Variants in MBD2 observed in about 807,000 individuals in gnomAD.
MBD2 encodes the protein methyl-CpG binding domain protein 2.
Under a neutral mutation model 39.3 loss-of-function variants are expected in MBD2, and 9 were observed. The observed-to-expected ratio is 0.23, with a 90% confidence interval of 0.14 to 0.40. The LOEUF is 0.40. MBD2 is among the 10% of genes least tolerant of loss of function. The pLI is 1.00. For missense variants in MBD2, 458 were observed against 532.6 expected (o/e 0.86, Z 1.38); for synonymous variants, 233 against 211.1 (o/e 1.10, Z -0.90).
At chr18:54,209,341 A>G (rs4940315) in intron 1 of MBD2, among the ~76,000 whole-genome samples, 1 of 149,580 alleles carries the variant, frequency 6.7e-6, no homozygotes, top group African/African-American at 2.4e-5. Flanking sequence ...TATTATAAAC[A>G]AAAAGGCTAG....
intron 1 of MBD2, among the ~76,000 whole-genome samples, chr18:54,223,537 A>G (rs2086632597): frequency 6.6e-6 from 1 of 152,232 alleles, no homozygotes; most frequent in South Asian, 2.1e-4. Context: ...GTTCCAAAAA[A>G]ACTTCAGGCA....
chr18:54,223,087 C>T (rs555168830), intron 1 of MBD2, among the ~76,000 whole-genome samples: 2 of 152,324 alleles, frequency 1.3e-5, no homozygotes, highest in South Asian at 4.1e-4. Context: ...TTTATATTAT[C>T]TTCTATCAAT....
chr18:54,183,028 C>A (rs984116982), intron 3 of MBD2, among the ~76,000 whole-genome samples: 6 of 152,020 alleles, frequency 3.9e-5, no homozygotes, highest in African/African-American at 1.4e-4. Flanking sequence ...GAGGTAGGAT[C>A]GATAGGACTT....
Position 54,151,855 on chromosome 18 carries a change from G to A in MBD2, c.*3469C>T, listed in dbSNP as rs2086023743. ...CAAAAAAAAAAAAAAAAACACCCTG[G>A]AAGCCACCAAGGGCATTTCTTTCCT... On this transcript the variant is annotated 3_prime_UTR_variant, in exon 7 of 7. Transcript: ENST00000256429. 6.8e-6 allele frequency: 1 copy of A among 148,018 alleles called. No individual in the cohort carries two copies. Among genetic ancestry groups the A allele is most frequent in the Non-Finnish European group, 1.5e-5 (1 of 67,396 alleles). The allele number at this position is 148,018 out of a possible 1,614,324, so 9.2% of individuals were successfully genotyped here.
At chr18:54,221,575 C>T (rs989792280) in intron 1 of MBD2, among the ~76,000 whole-genome samples, 101 of 151,988 alleles carry the variant, frequency 6.6e-4, no homozygotes, top group African/African-American at 2.3e-3. Context: ...AGGAGTTCGA[C>T]ACCAGCCTGG....
At chr18:54,177,503 C>T (rs2086219897) in intron 3 of MBD2, among the ~76,000 whole-genome samples, 1 of 151,012 alleles carries the variant, frequency 6.6e-6, no homozygotes, top group African/African-American at 2.4e-5. Context: ...TTTTTCGAGA[C>T]GGAGTCTCGC....
At position 54,153,097 on chromosome 18, in the gene MBD2, G is replaced by C. The variant is rs1420548531; in HGVS notation, c.*2227C>G. On this transcript the variant is annotated 3_prime_UTR_variant, in exon 7 of 7. Coordinates refer to ENST00000256429, the MANE Select transcript of MBD2 (RefSeq NM_003927.5). ...AGTGGACAGGTGAGCAAAAAAGGAA[G>C]CCACTGAAAGTCCAGAGGACAGGAA... The C allele has an allele frequency of 6.6e-6, 1 of 152,406 alleles. No homozygotes were observed. The highest frequency in any genetic ancestry group is 2.4e-5 in the African/African-American group (1 of 41,448). The allele number at this position is 152,406 out of a possible 1,614,324, so 9.4% of individuals were successfully genotyped here. A position where few individuals can be genotyped will look rare whatever the true frequency, so the allele number is the denominator to read the frequency against.
At chr18:54,202,893 G>T in intron 2 of MBD2, 2 of 1,160,802 alleles carry the variant, frequency 1.7e-6, no homozygotes, top group Non-Finnish European at 2.6e-6. Context: ...CACCAGGGAA[G>T]CATTATGGAG....
chr18:54,170,492 T>C (rs1048189656), intron 3 of MBD2, among the ~76,000 whole-genome samples: 1 of 152,184 alleles, frequency 6.6e-6, no homozygotes, highest in Non-Finnish European at 1.5e-5. Context: ...ATAATGTTGA[T>C]TATTATTTAC....
At chr18:54,160,573 C>A (rs1209554901) in intron 5 of MBD2, among the ~76,000 whole-genome samples, 1 of 149,434 alleles carries the variant, frequency 6.7e-6, no homozygotes, top group Non-Finnish European at 1.5e-5. Context: ...GGGTTAATAA[C>A]TCCAAGTCAT....
chr18:54,206,393 T>C (rs1431303036), intron 1 of MBD2, among the ~76,000 whole-genome samples: 4 of 152,232 alleles, frequency 2.6e-5, no homozygotes, highest in African/African-American at 7.2e-5. Context: ...GTCAGTGTGA[T>C]ATGTCACAAG....
chr18:54,155,142 T>C lies in MBD2; in HGVS notation c.*182A>G, dbSNP rs898287581. On this transcript the variant is annotated 3_prime_UTR_variant, in exon 7 of 7. Transcript: ENST00000256429. ...TAGGACTCAAAATAAACATGATTTT[T>C]TGAATAATAGATATATACATCAAAA... 2.6e-5 allele frequency: 4 copies of C among 152,562 alleles called. No homozygotes were observed. Among genetic ancestry groups the C allele is most frequent in the African/African-American group, 9.7e-5 (4 of 41,440 alleles). The allele number at this position is 152,562 out of a possible 1,614,324, so 9.5% of individuals were successfully genotyped here.
intron 5 of MBD2, among the ~76,000 whole-genome samples, chr18:54,161,694 T>G (rs148788507): frequency 6.6e-6 from 1 of 152,338 alleles, no homozygotes; most frequent in East Asian, 1.9e-4. Context: ...GAGCTGAAAT[T>G]TAATCATTTG....
At chr18:54,201,470 G>T (rs543723875) in intron 2 of MBD2, among the ~76,000 whole-genome samples, 2 of 152,216 alleles carry the variant, frequency 1.3e-5, no homozygotes, top group East Asian at 3.9e-4. Flanking sequence ...ATCTGAAATA[G>T]GTACTGCAAA....
intron 6 of MBD2, among the ~76,000 whole-genome samples, 172 bp from the exon 7 acceptor site, chr18:54,155,483 T>A (rs1270616885): frequency 6.6e-6 from 1 of 152,242 alleles, no homozygotes; most frequent in Non-Finnish European, 1.5e-5. Context: ...GTGCTCAACA[T>A]ATCCCCTCAT....
In MBD2 at chr18:54,224,520, G is replaced by C. The variant is rs1398435700; in HGVS notation, c.40C>G (p.Gln14Glu). The change falls in exon 1 of 7, where the codon CAG (glutamine) becomes GAG (glutamate). Residue 14 changes from glutamine (Q) to glutamate (E), a missense_variant. Gln to Glu is a conservative substitution (Grantham distance 29, BLOSUM62 2). Coordinates refer to ENST00000256429, the MANE Select transcript of MBD2 (RefSeq NM_003927.5). ...CCCGCCGCACTCTCCCCCTCCTCCT[G>C]CTCCGGGCAGCAGCGGCCTCCCCCC... is the stretch of plus-strand genomic sequence containing the variant. Reference protein sequence around the residue: ...HPGGGRCCPEQEEGESAAGGS... With the variant: ...HPGGGRCCPEEEEGESAAGGS... 2.4e-6 allele frequency: 3 copies of C among 1,232,738 alleles called. No individual in the cohort carries two copies. The East Asian group carries it at 9.5e-5, about 39-fold the overall frequency. 76.4% of individuals were successfully genotyped at this position (1,232,738 alleles called of 1,614,324 possible).
At chr18:54,188,297 G>A (rs2144310000) in intron 3 of MBD2, among the ~76,000 whole-genome samples, 1 of 152,234 alleles carries the variant, frequency 6.6e-6, no homozygotes, top group Middle Eastern at 3.4e-3. Flanking sequence ...GGCCTTTCAG[G>A]TAATGCTTTT....
intron 2 of MBD2, among the ~76,000 whole-genome samples, chr18:54,195,574 C>A (rs1311975897): frequency 1.3e-5 from 2 of 151,972 alleles, no homozygotes; most frequent in African/African-American, 4.8e-5. Context: ...GGATAAAATT[C>A]TTATAAAAAT....
chr18:54,211,386 T>TACACAC (rs1402095105), intron 1 of MBD2, among the ~76,000 whole-genome samples: 47 of 64,852 alleles, frequency 7.2e-4, no homozygotes, highest in African/African-American at 2.8e-3. Context: ...ATATTATTGC[T>TACACAC]ATACACACAC....
Sources: allele counts gnomAD v4.1 joint callset (sites outside exome capture counted in the v4.1 genomes callset), GRCh38; gene constraint gnomAD v4.1.1; transcripts MANE v1.5; gene names NCBI Gene and HGNC (gene_info 2026-07-23, HGNC 2026-07-21).